SNX7: variants seen among roughly 807,000 people sequenced by gnomAD.
SNX7 encodes sorting nexin 7.
SNX7 carries 35 observed loss-of-function variants against 48.4 expected under a neutral mutation model. That is an observed-to-expected ratio of 0.72 (90% confidence interval 0.55 to 0.96). SNX7 has a LOEUF of 0.96. SNX7 is among the 40% of genes least tolerant of loss of function. The pLI is 0.00. For synonymous variants in SNX7, 190 were observed against 190.2 expected (o/e 1.00, Z 0.01); for missense variants, 553 against 548.9 (o/e 1.01, Z -0.07).
chr1:98,662,496 C>A (rs1649301187), intron 1 of SNX7: 4 of 354,122 alleles, frequency 1.1e-5, no homozygotes, highest in South Asian at 9.6e-5. Context: ...TTCAGATGGT[C>A]AGCTACTGCC....
chr1:98,711,956 A>G (rs1165690735), intron 7 of SNX7, among the ~76,000 whole-genome samples: 1 of 152,196 alleles, frequency 6.6e-6, no homozygotes, highest in African/African-American at 2.4e-5. Flanking sequence ...CATCTTCACC[A>G]GTAGATCCCG....
At chr1:98,737,915 CA>C (rs1479235352) in intron 7 of SNX7, among the ~76,000 whole-genome samples, 1 of 152,080 alleles carries the variant, frequency 6.6e-6, no homozygotes, top group Non-Finnish European at 1.5e-5. Context: ...AGTCTTAATA[CA>C]AAAGACTTTG....
intron 1 of SNX7, among the ~76,000 whole-genome samples, chr1:98,680,794 G>T (rs916505916): frequency 1.3e-5 from 2 of 152,132 alleles, no homozygotes; most frequent in Non-Finnish European, 2.9e-5. Flanking sequence ...GGGTTTCATT[G>T]TCCATGTCAT....
rs566259787 is a variant in SNX7, at chr1:98,678,493, G to A, written c.181-6392G>A. Among the ~76,000 whole-genome samples the A allele has an allele frequency of 5.3e-5, 8 of 152,234 alleles. No homozygotes were observed. The South Asian group carries it at 1.7e-3, about 32-fold the overall frequency. ...TTTATTTCCTAGCATTAATATCTTG[G>A]TTTTGTAAATACCAATCTTCTCTAA... On this transcript the variant is annotated intron_variant, in intron 1 of 8. Transcript: ENST00000306121.
At chr1:98,665,382 A>C (rs1649483149) in intron 1 of SNX7, among the ~76,000 whole-genome samples, 1 of 152,182 alleles carries the variant, frequency 6.6e-6, no homozygotes, top group African/African-American at 2.4e-5. Flanking sequence ...AGTAGGTTTC[A>C]TTTCAATCTC....
intron 8 of SNX7, among the ~76,000 whole-genome samples, chr1:98,743,969 G>A (rs1654195623): frequency 6.6e-6 from 1 of 152,008 alleles, no homozygotes; most frequent in South Asian, 2.1e-4. Context: ...TTAGATTCCT[G>A]TCAGAAATTT....
intron 7 of SNX7, among the ~76,000 whole-genome samples, chr1:98,710,208 A>G (rs913142467): frequency 5.3e-5 from 8 of 152,188 alleles, no homozygotes; most frequent in Non-Finnish European, 1.0e-4. Flanking sequence ...TCAAAATTTT[A>G]CCAATGAAAT....
chr1:98,712,963 T>A (rs2100993290), intron 7 of SNX7, among the ~76,000 whole-genome samples: 1 of 152,144 alleles, frequency 6.6e-6, no homozygotes, highest in Non-Finnish European at 1.5e-5. Flanking sequence ...TAGTGGCACA[T>A]GCCTGTAATG....
chr1:98,756,422 G>GTTTTTTTTTTTTTTTTTT (rs35117249), intron 8 of SNX7, among the ~76,000 whole-genome samples: 1 of 54,686 alleles, frequency 1.8e-5, no homozygotes, highest in Non-Finnish European at 3.2e-5. Context: ...TGCCAGATGA[G>GTTTTTTTTTTTTTTTTTT]TTTTTTTTTT....
intron 7 of SNX7, among the ~76,000 whole-genome samples, chr1:98,723,855 T>C (rs2101011351): frequency 6.6e-6 from 1 of 151,714 alleles, no homozygotes; most frequent in East Asian, 1.9e-4. Context: ...AGCAAGACTT[T>C]GACTCAAAAA....
At chr1:98,667,460 C>T (rs1197725006) in intron 1 of SNX7, among the ~76,000 whole-genome samples, 3 of 152,120 alleles carry the variant, frequency 2.0e-5, no homozygotes, top group Admixed American at 6.5e-5. Flanking sequence ...ACTGCAACCT[C>T]CACCTCCCAA....
intron 5 of SNX7, among the ~76,000 whole-genome samples, chr1:98,697,073 G>A (rs1464104168): frequency 6.6e-6 from 1 of 152,058 alleles, no homozygotes; most frequent in Non-Finnish European, 1.5e-5. Flanking sequence ...CAGGTTTAAT[G>A]ACTGACATTG....
intron 1 of SNX7, among the ~76,000 whole-genome samples, chr1:98,668,090 A>G (rs1324169223): frequency 6.6e-6 from 1 of 152,314 alleles, no homozygotes; most frequent in African/African-American, 2.4e-5. Context: ...TAGGTGAAAT[A>G]GAAAGAAGGT....
chr1:98,750,547 C>A (rs1654531517), intron 8 of SNX7, among the ~76,000 whole-genome samples: 1 of 152,044 alleles, frequency 6.6e-6, no homozygotes, highest in South Asian at 2.1e-4. Flanking sequence ...CAGTGAGTCA[C>A]TAAAAATAGT....
Position 98,701,816 on chromosome 1 carries a change from G to C in SNX7, c.1039-1G>C. The C allele has an allele frequency of 6.2e-7, 1 of 1,603,408 alleles. No homozygotes were observed. Among genetic ancestry groups the C allele is most frequent in the Non-Finnish European group, 8.5e-7 (1 of 1,174,038 alleles). ...TTTTATCTGTGTGTTTTAATGTAAA[G>C]GGTGTTATGAAAAGAAGAGACCAAA... On this transcript the variant is annotated splice_acceptor_variant, in intron 6 of 8. Transcript: ENST00000306121. LOFTEE classifies it high-confidence loss of function.
chr1:98,694,213 A>G (rs1651308370), intron 4 of SNX7, among the ~76,000 whole-genome samples: 1 of 151,866 alleles, frequency 6.6e-6, no homozygotes, highest in Non-Finnish European at 1.5e-5. Flanking sequence ...TACTAAAAAT[A>G]CAAAAAATTA....
intron 1 of SNX7, among the ~76,000 whole-genome samples, chr1:98,678,973 C>T (rs1650326430): frequency 6.6e-6 from 1 of 152,180 alleles, no homozygotes; most frequent in Non-Finnish European, 1.5e-5. Flanking sequence ...AAAAACTGGG[C>T]TGGCACAGTG....
At chr1:98,757,958 T>G (rs1230107046) in intron 8 of SNX7, among the ~76,000 whole-genome samples, 1 of 152,098 alleles carries the variant, frequency 6.6e-6, no homozygotes, top group Non-Finnish European at 1.5e-5. Context: ...GACACTCCAA[T>G]GTGACTTAGA....
At position 98,760,116 on chromosome 1, in the gene SNX7, T is replaced by C; in HGVS notation, c.1341T>C (p.Ser447=). ...CCAACCTTCACTTGGAAGAAGCCTC[T>C]GAAGATAAACCTTAATCCCATTGAG... is the stretch of plus-strand genomic sequence containing the variant. The part of the protein sequence containing the change: ...SQTNLHLEEA[S]EDKP The change falls in exon 9 of 9, where the codon TCT becomes TCC. Residue 447 remains serine, a synonymous_variant. Transcript: ENST00000306121. The C allele has an allele frequency of 6.2e-7, 1 of 1,608,608 alleles. No individual in the cohort carries two copies. The highest frequency in any genetic ancestry group is 1.3e-5 in the African/African-American group (1 of 74,854).
Sources: gnomAD v4.1 joint callset for allele counts (sites outside exome capture counted in the v4.1 genomes callset) on GRCh38, gnomAD v4.1.1 for gene constraint, MANE v1.5 for transcripts, NCBI Gene and HGNC (gene_info 2026-07-23, HGNC 2026-07-21) for gene names.